The following ENDOU variants were observed in gnomAD, a reference collection of about 807,000 sequenced individuals.
The protein encoded by ENDOU is uridylate-specific endoribonuclease.
ENDOU carries 49 observed loss-of-function variants against 54.2 expected under a neutral mutation model. The ratio of observed to expected loss-of-function variants is 0.90; its 90% CI spans 0.72 to 1.15. The LOEUF is 1.15. Ranked by LOEUF, ENDOU falls within the 50% of genes most tolerant of loss-of-function variation. The probability of loss-of-function intolerance (pLI) is 0.00; values close to 1 mark genes in which losing one functional copy is unlikely to be tolerated. For synonymous variants in ENDOU, 172 were observed against 190.5 expected (o/e 0.90, Z 0.80); for missense variants, 458 against 511.4 (o/e 0.90, Z 1.01).
intron 1 of ENDOU, among the ~76,000 whole-genome samples, chr12:47,721,619 G>A (rs1315477342): frequency 4.6e-5 from 7 of 152,214 alleles, no homozygotes; most frequent in Admixed American, 3.3e-4. Flanking sequence ...GGAATGAGGC[G>A]GGTGCGGGTG....
Position 47,720,784 on chromosome 12 carries a change from G to C in ENDOU, c.147C>G (p.Asn49Lys). 6.5e-7 allele frequency: 1 copy of C among 1,536,148 alleles called. No individual in the cohort carries two copies. Among genetic ancestry groups the C allele is most frequent in the Non-Finnish European group, 8.7e-7 (1 of 1,146,908 alleles). The change falls in exon 2 of 10, where the codon AAC becomes AAG. Residue 49 changes from asparagine to lysine, a missense_variant. Physicochemically the swap from Asn to Lys is moderately conservative, Grantham distance 94. Transcript: ENST00000422538. ...ACAGATGTTCATAGTCTTCACAGCA[G>C]TTCCCATGCCAGAGACACCGGCGGT... is the stretch of plus-strand genomic sequence containing the variant. ...QCDRRCLWHGNCCEDYEHLCT... is the reference protein window; with the variant it reads ...QCDRRCLWHGKCCEDYEHLCT...
chr12:47,723,032 A>G (rs2136692703), intron 1 of ENDOU, among the ~76,000 whole-genome samples: 1 of 152,372 alleles, frequency 6.6e-6, no homozygotes, highest in Admixed American at 6.5e-5. Flanking sequence ...GAGAGAATTC[A>G]GGCAAATCAG....
chr12:47,711,422 G>C (rs1939995399), intron 9 of ENDOU, among the ~76,000 whole-genome samples: 1 of 152,194 alleles, frequency 6.6e-6, no homozygotes, highest in Admixed American at 6.5e-5. Context: ...GGAATGAGGG[G>C]AGATAATTTT....
rs1446639169 is a variant in ENDOU, at chr12:47,711,753, A to G, written c.995T>C (p.Leu332Pro). ...DGPWDSYPDV[L>P]AMQFNWDGYY... is the part of the protein sequence containing the mutation. ...GCCGTCCCAGTTGAACTGCATTGCC[A>G]GCACATCGGGGTAAGAATCCCACTG... The change falls in exon 9 of 10, where the codon CTG becomes CCG. Residue 332 changes from leucine (L) to proline (P), a missense_variant. Transcript: ENST00000422538. The G allele has an allele frequency of 2.5e-6, 4 of 1,614,210 alleles. No individual in the cohort carries two copies. Among genetic ancestry groups the G allele is most frequent in the Middle Eastern group, 1.6e-4 (1 of 6,062 alleles).
At position 47,711,790 on chromosome 12, in the gene ENDOU, G is replaced by A. The variant is rs778803343; in HGVS notation, c.973-15C>T. 1.2e-6 allele frequency: 2 copies of A among 1,613,852 alleles called. No individual in the cohort carries two copies. The highest frequency in any genetic ancestry group is 1.1e-5 in the South Asian group (1 of 91,086). On this transcript the variant is annotated splice_polypyrimidine_tract_variant and intron_variant, in intron 8 of 9. Coordinates refer to ENST00000422538, the MANE Select transcript of ENDOU (RefSeq NM_001172439.2). ...TAAGAATCCCACTGTGGAGGGAAGG[G>A]CAGAAAAGGGGGTCTGGTGAGTGCC...
chr12:47,721,473 A>G (rs1940431332), intron 1 of ENDOU, among the ~76,000 whole-genome samples: 1 of 151,740 alleles, frequency 6.6e-6, no homozygotes, highest in African/African-American at 2.4e-5. Flanking sequence ...CTCTTATTCC[A>G]TCCCTGTTAT....
At chr12:47,714,668 T>C (rs1283489539) in intron 6 of ENDOU, among the ~76,000 whole-genome samples, 1 of 152,228 alleles carries the variant, frequency 6.6e-6, no homozygotes. Context: ...CCGCCATTTA[T>C]GAAATGGGGA....
Position 47,716,332 on chromosome 12 carries a change from A to G in ENDOU, c.719T>C (p.Met240Thr), listed in dbSNP as rs772926836. The G allele has an allele frequency of 3.1e-6, 5 of 1,614,116 alleles. No individual in the cohort carries two copies. The highest frequency in any genetic ancestry group is 4.2e-6 in the Non-Finnish European group (5 of 1,180,030). The change falls in exon 6 of 10, where the codon ATG (methionine) becomes ACG (threonine). Residue 240 changes from methionine (M) to threonine (T), a missense_variant. Physicochemically the swap from Met to Thr is moderately conservative, Grantham distance 81. Transcript: ENST00000422538. ...ATGGAGGAAGCTGTAGAGCTCCTTCATGACTGCTGTCTTCATGATCTCTCT... is the reference window on the plus strand; with the variant it reads ...ATGGAGGAAGCTGTAGAGCTCCTTCGTGACTGCTGTCTTCATGATCTCTCT... Reference protein sequence around the residue: ...FLREIMKTAVMKELYSFLHHQ... With the variant: ...FLREIMKTAVTKELYSFLHHQ...
At position 47,712,541 on chromosome 12, in the gene ENDOU, T is replaced by C; in HGVS notation, c.947A>G (p.Tyr316Cys). The C allele has an allele frequency of 6.2e-7, 1 of 1,613,978 alleles. No homozygotes were observed. Among genetic ancestry groups the C allele is most frequent in the Non-Finnish European group, 8.5e-7 (1 of 1,179,844 alleles). Residue 316 changes from tyrosine (Y) to cysteine (C), a missense_variant, in exon 8 of 10, where the codon TAT becomes TGT. Transcript: ENST00000422538. ...AGGCCCATCGTAGATGTGACTGTAA[T>C]AGTCAACCAGACCCTCCTTCTCCTC... ...YLEEKEGLVD[Y>C]YSHIYDGPWD... is the part of the protein sequence containing the mutation.
chr12:47,718,021 T>C, intron 3 of ENDOU, 108 bp downstream of exon 3: 1 of 995,434 alleles, frequency 1.0e-6, no homozygotes, highest in South Asian at 1.5e-5. Flanking sequence ...GCCTCTCTCA[T>C]CTGGCTGAGG....
chr12:47,717,048 G>T lies in ENDOU; in HGVS notation c.393C>A (p.His131Gln). Residue 131 changes from histidine (H) to glutamine (Q), a missense_variant, in exon 5 of 10, where the codon CAC becomes CAA. Physicochemically the swap from His to Gln is conservative, Grantham distance 24. Transcript: ENST00000422538. ...ESLCSDHEVS[H>Q]SSDAITKEEI... Reference sequence around the variant, plus strand: ...CCTCTTTTGTTATGGCATCACTGCTGTGGGAGACCTCTGGGAGGAATTGGA... The same window carrying T: ...CCTCTTTTGTTATGGCATCACTGCTTTGGGAGACCTCTGGGAGGAATTGGA... The T allele has an allele frequency of 6.2e-7, 1 of 1,614,080 alleles. No homozygotes were observed. The highest frequency in any genetic ancestry group is 8.5e-7 in the Non-Finnish European group (1 of 1,179,992).
intron 3 of ENDOU, 167 bp from the exon 4 acceptor site, chr12:47,717,822 T>G: frequency 1.5e-6 from 1 of 677,382 alleles, no homozygotes; most frequent in Non-Finnish European, 2.5e-6. Flanking sequence ...AGTCAGGAAG[T>G]CCTTTCTGAT....
At chr12:47,713,233 T>C in intron 7 of ENDOU, 42 bp downstream of exon 7, 1 of 1,375,576 alleles carries the variant, frequency 7.3e-7, no homozygotes, top group Non-Finnish European at 1.0e-6. Flanking sequence ...GCCATTCCTC[T>C]TCATCCCTCC....
intron 6 of ENDOU, 130 bp from the exon 7 acceptor site, chr12:47,713,518 C>T (rs982383260): frequency 2.1e-5 from 14 of 655,484 alleles, no homozygotes; most frequent in East Asian, 1.3e-4. Flanking sequence ...CAAATGTGTT[C>T]GGCTGTTAAT....
Position 47,710,716 on chromosome 12 carries a change from G to C in ENDOU, c.*86C>G. 1 of 922,592 alleles carries C rather than the reference G, an allele frequency of 1.1e-6. No homozygotes were observed. The highest frequency in any genetic ancestry group is 1.8e-6 in the Non-Finnish European group (1 of 554,788). The allele number at this position is 922,592 out of a possible 1,614,324, so 57.2% of individuals were successfully genotyped here. On this transcript the variant is annotated 3_prime_UTR_variant, in exon 10 of 10. Coordinates refer to ENST00000422538, the MANE Select transcript of ENDOU (RefSeq NM_001172439.2). ...CTTTGAGATTTGGTGATCCCTTCCA[G>C]TCCTCTCCCTCTTCTCTCTAGTCCA...
chr12:47,724,508 GCTTCT>G (rs1406705251), intron 1 of ENDOU, among the ~76,000 whole-genome samples: 3 of 152,140 alleles, frequency 2.0e-5, no homozygotes, highest in Non-Finnish European at 4.4e-5. Context: ...TGCACCAGGT[GCTTCT>G]CATACATTAT....
At chr12:47,721,528 C>G (rs562807552) in intron 1 of ENDOU, among the ~76,000 whole-genome samples, 111 of 152,166 alleles carry the variant, frequency 7.3e-4, no homozygotes, top group Non-Finnish European at 2.9e-4. Flanking sequence ...GTCTTCTCTG[C>G]ACGCTCTTTC....
At position 47,720,882 on chromosome 12, in the gene ENDOU, G is replaced by C. The variant is rs778738520; in HGVS notation, c.56-7C>G. The C allele has an allele frequency of 5.2e-6, 8 of 1,535,872 alleles. No individual in the cohort carries two copies. Among genetic ancestry groups the C allele is most frequent in the Non-Finnish European group, 7.0e-6 (8 of 1,146,816 alleles). On this transcript the variant is annotated splice_region_variant and splice_polypyrimidine_tract_variant and intron_variant, in intron 1 of 9. Coordinates refer to ENST00000422538, the MANE Select transcript of ENDOU (RefSeq NM_001172439.2). The stretch of plus-strand genomic sequence containing the variant: ...GCACAGGATTCTATTTTTCCTATGG[G>C]CAGTAAAGGTCACCAACTCAGCTCT...
At chr12:47,718,012 CCT>C (rs1940316920) in intron 3 of ENDOU, 115 bp downstream of exon 3, 1 of 916,648 alleles carries the variant, frequency 1.1e-6, no homozygotes, top group Admixed American at 2.4e-5. Context: ...ATCCAACAAG[CCT>C]CTCTCATCTG....
Sources: gnomAD v4.1 joint callset for allele counts (sites outside exome capture counted in the v4.1 genomes callset) on GRCh38, gnomAD v4.1.1 for gene constraint, MANE v1.5 for transcripts, NCBI Gene and HGNC (gene_info 2026-07-23, HGNC 2026-07-21) for gene names.